PAPSS2: variants seen among roughly 807,000 people sequenced by gnomAD.
PAPSS2 encodes the protein bifunctional 3'-phosphoadenosine 5'-phosphosulfate synthase 2.
In PAPSS2, 61 loss-of-function variants were observed where a neutral mutation model predicts 66.5. The ratio of observed to expected loss-of-function variants is 0.92; its 90% CI spans 0.75 to 1.14. The LOEUF is 1.14. Among genes scored for constraint, PAPSS2 ranks in the 50% most tolerant of loss-of-function variants. The pLI is 0.00. For missense variants in PAPSS2, 708 were observed against 789.6 expected, an observed-to-expected ratio of 0.90 and a Z score of 1.24; for synonymous variants, 289 against 287.5, an observed-to-expected ratio of 1.01 and a Z score of -0.05.
chr10:87,661,949 G>C (rs1337073769), intron 1 of PAPSS2, among the ~76,000 whole-genome samples: 1 of 152,194 alleles, frequency 6.6e-6, no homozygotes, highest in East Asian at 1.9e-4. Flanking sequence ...CAGCAAGCCA[G>C]CTGTAAATGC....
chr10:87,660,283 G>A (rs1852733047), intron 1 of PAPSS2: 2 of 591,254 alleles, frequency 3.4e-6, no homozygotes, highest in African/African-American at 3.7e-5. Flanking sequence ...CTTCTCAAGT[G>A]GGTCCGGATC....
intron 1 of PAPSS2, among the ~76,000 whole-genome samples, chr10:87,706,140 GTATATA>G (rs1227590809): frequency 8.8e-6 from 1 of 113,240 alleles, no homozygotes; most frequent in East Asian, 3.2e-4. Context: ...GTGTGTGTGT[GTATATA>G]TATACCCTCT....
At chr10:87,670,575 A>AGT (rs1554861622) in intron 1 of PAPSS2, among the ~76,000 whole-genome samples, 4 of 114,108 alleles carry the variant, frequency 3.5e-5, no homozygotes, top group African/African-American at 1.3e-4. Flanking sequence ...AAAAAGATGG[A>AGT]GCACACACAC....
chr10:87,670,278 G>A (rs1427821641), intron 1 of PAPSS2, among the ~76,000 whole-genome samples: 5 of 152,162 alleles, frequency 3.3e-5, no homozygotes, highest in Non-Finnish European at 7.3e-5. Context: ...AATATGATTT[G>A]TAGATAATAA....
chr10:87,746,068 T>C lies in PAPSS2; in HGVS notation c.*98T>C, dbSNP rs1853934943. ...TATTAAATTGCTTCTCAATGATGCA[T>C]TTTAATCTTTTATAATGAAGTAAAA... On this transcript the variant is annotated 3_prime_UTR_variant, in exon 13 of 13. Transcript: ENST00000456849. 6.2e-6 allele frequency: 7 copies of C among 1,121,920 alleles called. No homozygotes were observed. The South Asian group carries it at 8.2e-5, about 13-fold the overall frequency. The allele number at this position is 1,121,920 out of a possible 1,614,324, so 69.5% of individuals were successfully genotyped here. A position where few individuals can be genotyped will look rare whatever the true frequency, so the allele number is the denominator to read the frequency against.
chr10:87,705,044 A>G (rs1330032794), intron 1 of PAPSS2, among the ~76,000 whole-genome samples: 1 of 152,212 alleles, frequency 6.6e-6, no homozygotes, highest in Non-Finnish European at 1.5e-5. Context: ...GTTCTAATAA[A>G]TGTATACACG....
chr10:87,733,834 C>T (rs1853759938), intron 9 of PAPSS2, among the ~76,000 whole-genome samples: 3 of 151,444 alleles, frequency 2.0e-5, no homozygotes, highest in Admixed American at 2.0e-4. Flanking sequence ...TTTAACCTCC[C>T]CCCAAGCCTG....
At chr10:87,725,847 C>T (rs1474924521) in intron 8 of PAPSS2, among the ~76,000 whole-genome samples, 1 of 147,172 alleles carries the variant, frequency 6.8e-6, no homozygotes, top group Non-Finnish European at 1.5e-5. Context: ...AAGTGCATGC[C>T]AACATGTCCA....
At chr10:87,731,993 C>CATGCGTAAA (rs1853735702) in intron 9 of PAPSS2, among the ~76,000 whole-genome samples, 1 of 152,162 alleles carries the variant, frequency 6.6e-6, no homozygotes, top group South Asian at 2.1e-4. Flanking sequence ...GAAGTTCTAC[C>CATGCGTAAA]ATGCGTAAAA....
intron 3 of PAPSS2, among the ~76,000 whole-genome samples, 168 bp from the exon 4 acceptor site, chr10:87,713,876 G>C (rs1589434866): frequency 6.6e-6 from 1 of 152,164 alleles, no homozygotes; most frequent in Non-Finnish European, 1.5e-5. Flanking sequence ...GTCCTTGAGA[G>C]AGCTGTGTTT....
chr10:87,715,583 A>G (rs1853522380), intron 6 of PAPSS2, 149 bp from the exon 7 acceptor site: 1 of 691,260 alleles, frequency 1.4e-6, no homozygotes, highest in African/African-American at 1.8e-5. Context: ...CCCTTAGATC[A>G]TGGGTTAGCA....
intron 1 of PAPSS2, among the ~76,000 whole-genome samples, chr10:87,696,088 G>T (rs1203942643): frequency 6.6e-6 from 1 of 152,122 alleles, no homozygotes; most frequent in Non-Finnish European, 1.5e-5. Context: ...AGGTCCTGGG[G>T]AATAGCTCCA....
Position 87,745,001 on chromosome 10 carries a change from G to C in PAPSS2, c.1492-1G>C. On this transcript the variant is annotated splice_acceptor_variant, in intron 11 of 12. Coordinates refer to ENST00000456849, the MANE Select transcript of PAPSS2 (RefSeq NM_001015880.2). LOFTEE classifies it high-confidence loss of function. ...GCATGTCCCTTATGGACATTTTCTA[G>C]GTCCAGTGGCACTGCAGGTCCCGGA... 6.2e-7 allele frequency: 1 copy of C among 1,613,276 alleles called. No individual in the cohort carries two copies. Among genetic ancestry groups the C allele is most frequent in the African/African-American group, 1.3e-5 (1 of 75,026 alleles).
intron 9 of PAPSS2, among the ~76,000 whole-genome samples, chr10:87,739,578 G>C (rs1448449554): frequency 6.6e-6 from 1 of 152,204 alleles, no homozygotes; most frequent in Non-Finnish European, 1.5e-5. Context: ...GAATGTACTA[G>C]CAGCAGTTCT....
chr10:87,741,725 C>T (rs773554002), intron 10 of PAPSS2, among the ~76,000 whole-genome samples: 2 of 150,706 alleles, frequency 1.3e-5, no homozygotes, highest in Non-Finnish European at 3.0e-5. Flanking sequence ...TCCCTTACCA[C>T]CCTCTGATTA....
chr10:87,742,533 T>G (rs991654553), intron 10 of PAPSS2, among the ~76,000 whole-genome samples: 1 of 152,240 alleles, frequency 6.6e-6, no homozygotes, highest in Non-Finnish European at 1.5e-5. Context: ...CATTATAATA[T>G]TGAAAGTATT....
intron 1 of PAPSS2, among the ~76,000 whole-genome samples, chr10:87,670,413 T>C (rs140447008): frequency 7.4e-4 from 113 of 152,330 alleles, no homozygotes; most frequent in Middle Eastern, 6.8e-3. Context: ...GTAAAAGGTA[T>C]GTTCCTTGGT....
intron 1 of PAPSS2, among the ~76,000 whole-genome samples, chr10:87,672,086 A>G (rs1190934617): frequency 6.6e-6 from 1 of 152,220 alleles, no homozygotes; most frequent in Non-Finnish European, 1.5e-5. Context: ...TTAGGTAGTT[A>G]CAAGTATTAC....
chr10:87,687,135 G>A (rs1853099031), intron 1 of PAPSS2, among the ~76,000 whole-genome samples: 1 of 152,202 alleles, frequency 6.6e-6, no homozygotes, highest in South Asian at 2.1e-4. Context: ...CTTTGGGCAT[G>A]ATGGTTAGAG....
Sources: gnomAD v4.1 joint callset for allele counts (sites outside exome capture counted in the v4.1 genomes callset) on GRCh38, gnomAD v4.1.1 for gene constraint, MANE v1.5 for transcripts, NCBI Gene and HGNC (gene_info 2026-07-23, HGNC 2026-07-21) for gene names.